Variants in ICA1 observed in about 807,000 individuals in gnomAD.
The protein encoded by ICA1 is islet cell autoantigen 1.
A neutral mutation model predicts 71.0 loss-of-function variants in ICA1; 40 were observed. That is an observed-to-expected ratio of 0.56 (90% CI 0.44 to 0.73). The LOEUF is 0.73. Among genes scored for constraint, ICA1 ranks in the 30% least tolerant of loss-of-function variants. The pLI, the probability that ICA1 is intolerant of heterozygous loss-of-function variation, is 0.00. For missense variants in ICA1, 578 were observed against 576.5 expected, an observed-to-expected ratio of 1.00 and a Z score of -0.03; for synonymous variants, 207 against 209.5, an observed-to-expected ratio of 0.99 and a Z score of 0.10.
At chr7:8,165,984 C>T (rs1392455347) in intron 6 of ICA1, among the ~76,000 whole-genome samples, 1 of 152,130 alleles carries the variant, frequency 6.6e-6, no homozygotes, top group African/African-American at 2.4e-5. Flanking sequence ...ATAAAACTAC[C>T]AATGCCATTC....
intron 6 of ICA1, among the ~76,000 whole-genome samples, chr7:8,206,107 G>C (rs898835186): frequency 1.3e-5 from 2 of 152,176 alleles, no homozygotes; most frequent in African/African-American, 4.8e-5. Context: ...AGATATGTGG[G>C]AAAAGTTGGC....
At position 8,156,929 on chromosome 7, in the gene ICA1, TAAAAAAAAAAAAAAAAAA is replaced by T. The variant is rs67144473; in HGVS notation, c.804+169_804+186del. On this transcript the variant is annotated intron_variant, in intron 8 of 13. Transcript: ENST00000402384. ...CTCATTGTATTGAATCCTGATGCAG[TAAAAAAAAAAAAAAAAAA>T]AAAAAAAGAAAGAAAGAAAGAAAGA... 6.6e-3 allele frequency: 10,038 copies of T among 1,519,794 alleles called. 547 individuals carry two copies. The African/African-American group carries it at 0.12, about 19-fold the overall frequency. 94.1% of individuals were successfully genotyped at this position (1,519,794 alleles called of 1,614,324 possible). A position where few individuals can be genotyped will look rare whatever the true frequency, so the allele number is the denominator to read the frequency against.
At chr7:8,183,941 C>T (rs10256124) in intron 6 of ICA1, among the ~76,000 whole-genome samples, 3,713 of 152,218 alleles carry the variant, frequency 0.024, 152 homozygotes, top group African/African-American at 0.085. Flanking sequence ...ATTTGAAAAA[C>T]ACCGCAAGAA....
At chr7:8,191,257 C>G (rs1785510854) in intron 6 of ICA1, among the ~76,000 whole-genome samples, 1 of 152,206 alleles carries the variant, frequency 6.6e-6, no homozygotes, top group Admixed American at 6.5e-5. Flanking sequence ...AATTATATCA[C>G]AATAGCTACA....
chr7:8,142,959 T>C (rs1045562752), intron 9 of ICA1, among the ~76,000 whole-genome samples: 1 of 152,242 alleles, frequency 6.6e-6, no homozygotes, highest in African/African-American at 2.4e-5. Context: ...AGGCTAATAT[T>C]GGCAGCAACT....
At position 8,226,887 on chromosome 7, in the gene ICA1, T is replaced by G. The variant is rs1208881569; in HGVS notation, c.256+1714A>C. 6.6e-6 allele frequency among the ~76,000 whole-genome samples: 1 copy of G among 152,136 alleles called. No individual in the cohort carries two copies. The highest frequency in any genetic ancestry group is 1.5e-5 in the Non-Finnish European group (1 of 68,012). On this transcript the variant is annotated intron_variant, in intron 4 of 13. Transcript: ENST00000402384. The surrounding 1 kb of genome is among the most constrained non-coding windows in gnomAD (Gnocchi z 4.4). ...TAATCTGAGGTGGTTTAGGGGGAAG[T>G]TTTTCCTCTATATTCTTTTAGAAAC...
At position 8,200,557 on chromosome 7, in the gene ICA1, A is replaced by G. The variant is rs562458220; in HGVS notation, c.579+17748T>C. Among the ~76,000 whole-genome samples the G allele has an allele frequency of 3.3e-5, 5 of 152,262 alleles. No homozygotes were observed. The East Asian group carries it at 7.7e-4, about 24-fold the overall frequency. On this transcript the variant is annotated intron_variant, in intron 6 of 13. Coordinates refer to ENST00000402384, the MANE Select transcript of ICA1 (RefSeq NM_001136020.3). ...ACGGACATAAGAGCAAGCACATGCCATGTGAAGGTTGACAAGTATGGAAGG... is the reference window on the plus strand; with the variant it reads ...ACGGACATAAGAGCAAGCACATGCCGTGTGAAGGTTGACAAGTATGGAAGG...
At chr7:8,164,088 C>A (rs544692462) in intron 6 of ICA1, among the ~76,000 whole-genome samples, 1 of 151,750 alleles carries the variant, frequency 6.6e-6, no homozygotes, top group Non-Finnish European at 1.5e-5. Context: ...GCGGATCACC[C>A]GAGGTCAGGA....
intron 12 of ICA1, among the ~76,000 whole-genome samples, chr7:8,137,005 A>G (rs1793650285): frequency 1.3e-5 from 2 of 151,966 alleles, no homozygotes. Context: ...TTAGGGTTGT[A>G]CCTTTACCGC....
chr7:8,228,796 T>C, intron 3 of ICA1, 123 bp from the exon 4 acceptor site: 2 of 598,626 alleles, frequency 3.3e-6, no homozygotes, highest in Non-Finnish European at 5.8e-6. Flanking sequence ...CTAAGTATGC[T>C]TAGTGTTATG....
chr7:8,241,084 G>C (rs978235055), intron 1 of ICA1, among the ~76,000 whole-genome samples: 5 of 152,092 alleles, frequency 3.3e-5, no homozygotes, highest in Non-Finnish European at 7.3e-5. Flanking sequence ...GATACTCCTT[G>C]AGAAGAGCAA....
chr7:8,191,021 T>C (rs961074934), intron 6 of ICA1, among the ~76,000 whole-genome samples: 3 of 152,328 alleles, frequency 2.0e-5, no homozygotes, highest in Non-Finnish European at 2.9e-5. Context: ...GAGTTGTTTA[T>C]TCCATAGTTA....
intron 1 of ICA1, among the ~76,000 whole-genome samples, chr7:8,238,333 C>T (rs946755117): frequency 6.6e-5 from 10 of 152,116 alleles, no homozygotes; most frequent in African/African-American, 1.9e-4. Context: ...AATAGCCATC[C>T]GAAGCATTGT....
chr7:8,250,809 G>C (rs1807902024), intron 1 of ICA1, among the ~76,000 whole-genome samples: 1 of 152,176 alleles, frequency 6.6e-6, no homozygotes, highest in Admixed American at 6.5e-5. Flanking sequence ...TAGCTAAAAG[G>C]TGAGTTTTTA....
chr7:8,163,984 T>C (rs751295215), intron 6 of ICA1, among the ~76,000 whole-genome samples: 18 of 151,896 alleles, frequency 1.2e-4, no homozygotes, highest in African/African-American at 1.9e-4. Context: ...CAGTGGGAGA[T>C]GGACTGAAGG....
chr7:8,187,296 G>T (rs956940370), intron 6 of ICA1, among the ~76,000 whole-genome samples: 2 of 152,162 alleles, frequency 1.3e-5, no homozygotes, highest in Admixed American at 1.3e-4. Flanking sequence ...ACATGTTATT[G>T]TACTGAATAC....
At chr7:8,136,722 C>T (rs1339640452) in intron 12 of ICA1, among the ~76,000 whole-genome samples, 1 of 152,164 alleles carries the variant, frequency 6.6e-6, no homozygotes, top group East Asian at 1.9e-4. Flanking sequence ...AGAACAACTA[C>T]ACATTTTAAG....
chr7:8,150,079 A>G (rs1798295394), intron 8 of ICA1, among the ~76,000 whole-genome samples: 1 of 152,264 alleles, frequency 6.6e-6, no homozygotes, highest in Non-Finnish European at 1.5e-5. Context: ...TCACAATCAT[A>G]AACAAGATAG....
chr7:8,226,440 T>C lies in ICA1; in HGVS notation c.256+2161A>G, dbSNP rs1293545586. Among the ~76,000 whole-genome samples the C allele has an allele frequency of 6.6e-6, 1 of 152,224 alleles. No individual in the cohort carries two copies. Among genetic ancestry groups the C allele is most frequent in the African/African-American group, 2.4e-5 (1 of 41,454 alleles). On this transcript the variant is annotated intron_variant, in intron 4 of 13. Transcript: ENST00000402384. This position sits in a 1 kb window ranked among gnomAD's most constrained non-coding sequence, Gnocchi z 4.4. ...ATTACCTTTTTTTACATTTATATTT[T>C]ATATCACCTTCTTGCTTGCATGAAG...
Sources: gnomAD v4.1 joint callset for allele counts (sites outside exome capture counted in the v4.1 genomes callset) on GRCh38, gnomAD v4.1.1 for gene constraint, Gnocchi (gnomAD v3.1) non-coding constraint, MANE v1.5 for transcripts, NCBI Gene and HGNC (gene_info 2026-07-23, HGNC 2026-07-21) for gene names.